The following TMOD1 variants were observed in gnomAD, a reference collection of about 807,000 sequenced individuals.
The protein encoded by TMOD1 is tropomodulin-1.
In TMOD1, 17 loss-of-function variants were observed where a neutral mutation model predicts 40.6. The observed-to-expected ratio is 0.42, with a 90% CI of 0.29 to 0.63. TMOD1 has a LOEUF of 0.63. Among genes scored for constraint, TMOD1 ranks in the 20% least tolerant of loss-of-function variants. The pLI, the probability that TMOD1 is intolerant of heterozygous loss-of-function variation, is 0.22. For synonymous variants in TMOD1, 181 were observed against 175.0 expected, an observed-to-expected ratio of 1.03 and a Z score of -0.27; for missense variants, 391 against 447.6, an observed-to-expected ratio of 0.87 and a Z score of 1.14.
Position 97,599,873 on chromosome 9 carries a change from A to G in TMOD1, c.*175A>G. On this transcript the variant is annotated 3_prime_UTR_variant, in exon 10 of 10. Coordinates refer to ENST00000259365, the MANE Select transcript of TMOD1 (RefSeq NM_003275.4). ...GTTGTAGTTGAAAATTTTATAAAAT[A>G]CCGTTAATGTGAAGTTTTTCTTTAG... The G allele has an allele frequency of 2.9e-6, 4 of 1,392,816 alleles. No individual in the cohort carries two copies. Among genetic ancestry groups the G allele is most frequent in the Non-Finnish European group, 3.7e-6 (4 of 1,067,290 alleles). 86.3% of individuals were successfully genotyped at this position (1,392,816 alleles called of 1,614,324 possible).
In TMOD1 at chr9:97,597,191, G is replaced by A. The variant is rs538414581; in HGVS notation, c.1016-2443G>A. 5.9e-5 allele frequency among the ~76,000 whole-genome samples: 9 copies of A among 152,300 alleles called. No homozygotes were observed. In the South Asian group the frequency reaches 1.9e-3, roughly 32 times the overall value. ...GAGTCTCTGGCTCTTGCAATAAGCA[G>A]TGAAGAGTTTTTTAAAGAAAGTAAA... is the stretch of plus-strand genomic sequence containing the variant. On this transcript the variant is annotated intron_variant, in intron 9 of 9. Coordinates refer to ENST00000259365, the MANE Select transcript of TMOD1 (RefSeq NM_003275.4).
chr9:97,571,734 C>T (rs1287164644), intron 8 of TMOD1, among the ~76,000 whole-genome samples: 2 of 152,362 alleles, frequency 1.3e-5, no homozygotes, highest in African/African-American at 2.4e-5. Flanking sequence ...TGTGTGACTC[C>T]AGAGTCCATG....
intron 4 of TMOD1, among the ~76,000 whole-genome samples, chr9:97,559,795 ATATATATATATAT>A (rs1334861872): frequency 3.6e-4 from 4 of 11,094 alleles, no homozygotes; most frequent in African/African-American, 4.5e-4. Flanking sequence ...AAAAAAAAAA[ATATATATATATAT>A]ATATATATAT....
intron 8 of TMOD1, among the ~76,000 whole-genome samples, chr9:97,584,255 T>G (rs1383482156): frequency 6.6e-6 from 1 of 152,260 alleles, no homozygotes; most frequent in Non-Finnish European, 1.5e-5. Flanking sequence ...CATTTCGTTA[T>G]GTACCCAGTA....
intron 2 of TMOD1, among the ~76,000 whole-genome samples, chr9:97,527,928 C>T (rs1830042195): frequency 6.6e-6 from 1 of 152,098 alleles, no homozygotes; most frequent in Non-Finnish European, 1.5e-5. Flanking sequence ...GCTGTGACCG[C>T]AAATAAGGCA....
chr9:97,510,476 C>A (rs1829678325), intron 1 of TMOD1, among the ~76,000 whole-genome samples: 1 of 152,216 alleles, frequency 6.6e-6, no homozygotes, highest in Admixed American at 6.5e-5. Context: ...GGGGATCCAC[C>A]CACGTCAGCC....
intron 1 of TMOD1, among the ~76,000 whole-genome samples, chr9:97,519,496 A>T (rs1829881377): frequency 6.6e-6 from 1 of 152,220 alleles, no homozygotes; most frequent in Non-Finnish European, 1.5e-5. Context: ...GGTCACCAGG[A>T]GCTGCTGCAG....
At chr9:97,512,808 G>C (rs1829724472) in intron 1 of TMOD1, 1 of 151,940 alleles carries the variant, frequency 6.6e-6, no homozygotes, top group South Asian at 2.1e-4. Context: ...GATTGACCAG[G>C]AGGGAATTTA....
At chr9:97,530,710 C>T (rs1245279744) in intron 2 of TMOD1, among the ~76,000 whole-genome samples, 8 of 150,292 alleles carry the variant, frequency 5.3e-5, no homozygotes, top group Admixed American at 2.0e-4. Context: ...AGGATGGTCT[C>T]GATCTCCTGA....
In TMOD1 at chr9:97,540,652, A is replaced by G. The variant is rs147324959; in HGVS notation, c.121-5533A>G. Among the ~76,000 whole-genome samples the G allele has an allele frequency of 1.7e-3, 259 of 152,304 alleles. 1 individual carries two copies. Among genetic ancestry groups the G allele is most frequent in the African/African-American group, 5.7e-3 (235 of 41,588 alleles). On this transcript the variant is annotated intron_variant, in intron 2 of 9. Coordinates refer to ENST00000259365, the MANE Select transcript of TMOD1 (RefSeq NM_003275.4). ...AATTGTATAATACATGGCCTTTTGT[A>G]TCTGGCTTCTTACACTTAGTATGAT...
At chr9:97,518,333 CA>C (rs746983418) in intron 1 of TMOD1, among the ~76,000 whole-genome samples, 1 of 152,238 alleles carries the variant, frequency 6.6e-6, no homozygotes, top group Non-Finnish European at 1.5e-5. Context: ...CTGAGGCCAA[CA>C]GAGCAGCTGG....
chr9:97,564,883 C>A (rs1336734559), intron 6 of TMOD1, among the ~76,000 whole-genome samples: 1 of 152,124 alleles, frequency 6.6e-6, no homozygotes, highest in East Asian at 1.9e-4. Flanking sequence ...GACTAGAAGC[C>A]AGCCCCCCAT....
At chr9:97,541,187 A>ATTTATT (rs1156733341) in intron 2 of TMOD1, among the ~76,000 whole-genome samples, 1 of 151,910 alleles carries the variant, frequency 6.6e-6, no homozygotes, top group African/African-American at 2.4e-5. Context: ...TAAAAAATTT[A>ATTTATT]TTTATTTTTA....
chr9:97,545,010 C>CA (rs3052089), intron 2 of TMOD1, among the ~76,000 whole-genome samples: 6,053 of 82,720 alleles, frequency 0.073, 190 homozygotes, highest in Middle Eastern at 0.2. Context: ...GAGTCCATCT[C>CA]AAAAAAAAAA....
chr9:97,555,557 G>GTTA (rs1830524425), intron 4 of TMOD1: 2 of 1,510,044 alleles, frequency 1.3e-6, no homozygotes, highest in African/African-American at 2.8e-5. Context: ...TGCTGCCGAA[G>GTTA]TCTGGGAAGG....
At chr9:97,581,003 T>C (rs1353286864) in intron 8 of TMOD1, among the ~76,000 whole-genome samples, 2 of 151,524 alleles carry the variant, frequency 1.3e-5, no homozygotes, top group African/African-American at 4.8e-5. Context: ...TTTTCTTTTT[T>C]TTTATTATAC....
chr9:97,529,897 C>T (rs556631409), intron 2 of TMOD1, among the ~76,000 whole-genome samples: 1 of 152,296 alleles, frequency 6.6e-6, no homozygotes, highest in South Asian at 2.1e-4. Flanking sequence ...CAAAGCCCTA[C>T]GTGGATTATC....
intron 2 of TMOD1, among the ~76,000 whole-genome samples, chr9:97,542,679 C>A (rs1462473289): frequency 6.6e-6 from 1 of 151,828 alleles, no homozygotes; most frequent in African/African-American, 2.4e-5. Context: ...ATGGTGAAAC[C>A]CCGCCTCTAC....
At chr9:97,597,420 C>T (rs959567575) in intron 9 of TMOD1, among the ~76,000 whole-genome samples, 5 of 152,244 alleles carry the variant, frequency 3.3e-5, no homozygotes, top group African/African-American at 4.8e-5. Flanking sequence ...GCCAGGGGGC[C>T]GGGTGGGGTG....
Sources: gnomAD v4.1 joint callset for allele counts (sites outside exome capture counted in the v4.1 genomes callset) on GRCh38, gnomAD v4.1.1 for gene constraint, MANE v1.5 for transcripts, NCBI Gene and HGNC (gene_info 2026-07-23, HGNC 2026-07-21) for gene names.